The following ISY1 variants were observed in gnomAD, a reference collection of about 807,000 sequenced individuals.
ISY1 encodes pre-mRNA-splicing factor ISY1 homolog.
In ISY1, 12 loss-of-function variants were observed where a neutral mutation model predicts 54.4. The observed-to-expected ratio is 0.22, with a 90% CI of 0.14 to 0.36. The LOEUF is 0.36. Among genes scored for constraint, ISY1 ranks in the 10% least tolerant of loss-of-function variants. The pLI, the probability that ISY1 is intolerant of heterozygous loss-of-function variation, is 1.00. For synonymous variants in ISY1, 96 were observed against 117.9 expected (o/e 0.81, Z 1.20); for missense variants, 282 against 342.2 (o/e 0.82, Z 1.39).
intron 5 of ISY1, among the ~76,000 whole-genome samples, chr3:129,152,508 A>G (rs912081150): frequency 1.3e-5 from 2 of 151,930 alleles, no homozygotes; most frequent in African/African-American, 4.8e-5. Context: ...GGTTCCAGCG[A>G]TTCGCCTGCC....
At chr3:129,155,623 A>G (rs950822382) in intron 5 of ISY1, among the ~76,000 whole-genome samples, 1 of 151,884 alleles carries the variant, frequency 6.6e-6, no homozygotes, top group African/African-American at 2.4e-5. Flanking sequence ...TCTCAGACAC[A>G]TGAATTATTT....
intron 9 of ISY1, among the ~76,000 whole-genome samples, chr3:129,131,178 G>A (rs928565780): frequency 5.9e-5 from 9 of 152,224 alleles, no homozygotes; most frequent in African/African-American, 2.2e-4. Context: ...GGCTCCCAGT[G>A]GGGATGGCTT....
intron 9 of ISY1, among the ~76,000 whole-genome samples, chr3:129,132,142 G>T (rs1936254699): frequency 1.3e-5 from 2 of 152,134 alleles, no homozygotes; most frequent in South Asian, 2.1e-4. Flanking sequence ...TCTGTATCTG[G>T]ATTGTCATGA....
In ISY1 at chr3:129,129,359, T is replaced by C. The variant is rs906814556; in HGVS notation, c.*722A>G. The C allele has an allele frequency of 1.4e-5, 2 of 147,944 alleles. No homozygotes were observed. Among genetic ancestry groups the C allele is most frequent in the Non-Finnish European group, 3.0e-5 (2 of 67,298 alleles). 9.2% of individuals were successfully genotyped at this position (147,944 alleles called of 1,614,324 possible). A position where few individuals can be genotyped will look rare whatever the true frequency, so the allele number is the denominator to read the frequency against. On this transcript the variant is annotated 3_prime_UTR_variant, in exon 11 of 11. Transcript: ENST00000393295. ...ACAGAGGGACCTGGTCATTGACTTGTGGGTTGCGTGCATCTTTTTTTTTTT... is the reference window on the plus strand; with the variant it reads ...ACAGAGGGACCTGGTCATTGACTTGCGGGTTGCGTGCATCTTTTTTTTTTT...
chr3:129,158,993 CA>C (rs1937224423), intron 2 of ISY1, among the ~76,000 whole-genome samples, 160 bp downstream of exon 2: 1 of 152,020 alleles, frequency 6.6e-6, no homozygotes, highest in African/African-American at 2.4e-5. Context: ...AACAAATGGG[CA>C]AAAACAGGAA....
At chr3:129,151,521 C>A (rs1032637367) in intron 5 of ISY1, among the ~76,000 whole-genome samples, 1 of 151,374 alleles carries the variant, frequency 6.6e-6, no homozygotes, top group Non-Finnish European at 1.5e-5. Flanking sequence ...CCCAGCTACT[C>A]AGGAGGCTGA....
chr3:129,134,099 TTGA>T lies in ISY1; in HGVS notation c.635_637del (p.Ile212del). On this transcript the variant is annotated inframe_deletion, in exon 9 of 11. Transcript: ENST00000393295. ...CTCCTCCTCGGTGACTGCATAGATG[TTGA>T]TCTCTTCCTCCTCTTCCTCCTCCTC... The T allele has an allele frequency of 2.5e-6, 4 of 1,614,192 alleles. No individual in the cohort carries two copies. The highest frequency in any genetic ancestry group is 1.1e-5 in the South Asian group (1 of 91,086).
chr3:129,144,018 T>C (rs1246726751), intron 6 of ISY1: 1 of 210,774 alleles, frequency 4.7e-6, no homozygotes, highest in Non-Finnish European at 1.0e-5. Flanking sequence ...ATTAATAGTG[T>C]TGAATTTGGG....
At chr3:129,137,386 C>A (rs1296651577) in intron 7 of ISY1, among the ~76,000 whole-genome samples, 2 of 151,916 alleles carry the variant, frequency 1.3e-5, no homozygotes, top group African/African-American at 2.4e-5. Flanking sequence ...AAAATCTTTT[C>A]AATAGATGAC....
rs182409515 is a variant in ISY1, at chr3:129,137,925, A to C, written c.418+2443T>G. ...GCAAGACTCCATGTCAAAAAAAAAAAAAAAAAAAAAACTCGAGACCACCCT... is the reference window on the plus strand; with the variant it reads ...GCAAGACTCCATGTCAAAAAAAAAACAAAAAAAAAAACTCGAGACCACCCT... On this transcript the variant is annotated intron_variant, in intron 7 of 10. Transcript: ENST00000393295. Among the ~76,000 whole-genome samples the C allele has an allele frequency of 1.6e-3, 239 of 146,486 alleles. 4 individuals are homozygous for C. The highest frequency in any genetic ancestry group is 2.4e-3 in the African/African-American group (94 of 39,804).
rs1359832505 is a variant in ISY1 at position 129,129,400 on chromosome 3, A to C, written c.*681T>G. 6.9e-6 allele frequency: 1 copy of C among 144,906 alleles called. No individual in the cohort carries two copies. Among genetic ancestry groups the C allele is most frequent in the Non-Finnish European group, 1.5e-5 (1 of 66,910 alleles). 9.0% of individuals were successfully genotyped at this position (144,906 alleles called of 1,614,324 possible). On this transcript the variant is annotated 3_prime_UTR_variant, in exon 11 of 11. Transcript: ENST00000393295. Reference sequence around the variant, plus strand: ...TTTTTTTTTTTTTTTTTTGGGACAGAGTCTCACTCTGTCGCCAGGCTGGAG... The same window carrying C: ...TTTTTTTTTTTTTTTTTTGGGACAGCGTCTCACTCTGTCGCCAGGCTGGAG...
intron 5 of ISY1, among the ~76,000 whole-genome samples, chr3:129,149,812 A>AGAAG (rs1196286565): frequency 4.4e-4 from 64 of 144,286 alleles, no homozygotes; most frequent in Non-Finnish European, 7.5e-4. Context: ...AAAAAAAGAA[A>AGAAG]GAAAGAAAAA....
chr3:129,133,523 G>A (rs774837476), intron 9 of ISY1, among the ~76,000 whole-genome samples: 6 of 152,062 alleles, frequency 3.9e-5, no homozygotes, highest in Non-Finnish European at 5.9e-5. Context: ...GTGAAACCCC[G>A]TCTCTACTAA....
rs2107624387 is a variant in ISY1 at position 129,161,025 on chromosome 3, A to C, written c.-50T>G. ...GAGCCCCGCGGCCCCTGTCCAAGAA[A>C]CTCCACAGGCCCAGAAGACGCCGAC... On this transcript the variant is annotated 5_prime_UTR_variant, in exon 1 of 11. Coordinates refer to ENST00000393295, the MANE Select transcript of ISY1 (RefSeq NM_020701.4). The C allele has an allele frequency of 6.6e-7, 1 of 1,524,482 alleles. No individual in the cohort carries two copies. The highest frequency in any genetic ancestry group is 8.8e-7 in the Non-Finnish European group (1 of 1,131,036). The allele number at this position is 1,524,482 out of a possible 1,614,324, so 94.4% of individuals were successfully genotyped here. A position where few individuals can be genotyped will look rare whatever the true frequency, so the allele number is the denominator to read the frequency against.
chr3:129,157,766 A>T (rs956113792), intron 3 of ISY1, among the ~76,000 whole-genome samples: 2 of 151,698 alleles, frequency 1.3e-5, no homozygotes, highest in Non-Finnish European at 2.9e-5. Flanking sequence ...CATAATACAG[A>T]AGAAACTGAA....
At chr3:129,156,126 T>C (rs1483996443) in intron 5 of ISY1, among the ~76,000 whole-genome samples, 1 of 152,020 alleles carries the variant, frequency 6.6e-6, no homozygotes, top group East Asian at 1.9e-4. Flanking sequence ...AGGCCGGGCA[T>C]AGTGGCTCAT....
intron 3 of ISY1, among the ~76,000 whole-genome samples, chr3:129,158,069 G>A (rs940060130): frequency 6.6e-6 from 1 of 151,932 alleles, no homozygotes; most frequent in African/African-American, 2.4e-5. Context: ...ATGTTAGCCA[G>A]GCTGGCCTCA....
chr3:129,143,552 T>C (rs1218640593), intron 6 of ISY1, among the ~76,000 whole-genome samples: 1 of 150,756 alleles, frequency 6.6e-6, no homozygotes, highest in Non-Finnish European at 1.5e-5. Flanking sequence ...ACAATATACA[T>C]ATCTATCATA....
chr3:129,145,438 G>A lies in ISY1; in HGVS notation c.300+323C>T, dbSNP rs566653392. 7.6e-4 allele frequency among the ~76,000 whole-genome samples: 115 copies of A among 152,122 alleles called. 1 individual carries two copies. Among genetic ancestry groups the A allele is most frequent in the Non-Finnish European group, 1.3e-3 (91 of 68,028 alleles). Reference sequence around the variant, plus strand: ...GGCTTTTGCCATACTGGCCAGGCTTGACTTGAACTCCTGACCTCAAGTGAT... The same window carrying A: ...GGCTTTTGCCATACTGGCCAGGCTTAACTTGAACTCCTGACCTCAAGTGAT... On this transcript the variant is annotated intron_variant, in intron 6 of 10. Coordinates refer to ENST00000393295, the MANE Select transcript of ISY1 (RefSeq NM_020701.4).
Sources: allele counts gnomAD v4.1 joint callset (sites outside exome capture counted in the v4.1 genomes callset), GRCh38; gene constraint gnomAD v4.1.1; transcripts MANE v1.5; gene names NCBI Gene and HGNC (gene_info 2026-07-23, HGNC 2026-07-21).